GPC6: variants seen among roughly 807,000 people sequenced by gnomAD.
GPC6 encodes the protein glypican-6.
In GPC6, 14 loss-of-function variants were observed where a neutral mutation model predicts 55.2. The ratio of observed to expected loss-of-function variants is 0.25; its 90% CI spans 0.17 to 0.40. The LOEUF (loss-of-function observed/expected upper bound fraction) is 0.40. GPC6 is among the 10% of genes least tolerant of loss of function. The pLI is 1.00. For synonymous variants in GPC6, 278 were observed against 259.6 expected (o/e 1.07, Z -0.68); for missense variants, 641 against 708.5 (o/e 0.90, Z 1.08).
chr13:93,837,893 G>A (rs1254660369), intron 3 of GPC6, among the ~76,000 whole-genome samples: 1 of 152,164 alleles, frequency 6.6e-6, no homozygotes. Context: ...CAGAAGTGCA[G>A]AGGTGTGAAA....
chr13:93,500,510 G>T (rs1025218915), intron 1 of GPC6, among the ~76,000 whole-genome samples: 1 of 55,600 alleles, frequency 1.8e-5, no homozygotes, highest in African/African-American at 6.0e-5. Flanking sequence ...TATATGAAAG[G>T]CATCCAAACT....
At chr13:94,168,904 T>C (rs893688891) in intron 4 of GPC6, among the ~76,000 whole-genome samples, 3 of 152,084 alleles carry the variant, frequency 2.0e-5, no homozygotes, top group Non-Finnish European at 4.4e-5. Flanking sequence ...TGGAATGTTA[T>C]GTGTCTCCAT....
chr13:94,311,331 G>C (rs1038907782), intron 6 of GPC6, among the ~76,000 whole-genome samples: 1 of 151,956 alleles, frequency 6.6e-6, no homozygotes, highest in African/African-American at 2.4e-5. Flanking sequence ...ACCACACCCA[G>C]ATAATTTTTG....
chr13:94,089,219 C>A (rs1231085151), intron 4 of GPC6, among the ~76,000 whole-genome samples: 4 of 152,148 alleles, frequency 2.6e-5, no homozygotes, highest in Non-Finnish European at 2.9e-5. Context: ...AAATGATCAC[C>A]AAACCTCTTG....
At chr13:93,926,612 A>G (rs187114470) in intron 3 of GPC6, among the ~76,000 whole-genome samples, 24 of 152,344 alleles carry the variant, frequency 1.6e-4, no homozygotes, top group Admixed American at 3.9e-4. Flanking sequence ...ATCCTAGCTG[A>G]AAACAAAGTA....
At chr13:93,497,774 C>T (rs1248677182) in intron 1 of GPC6, among the ~76,000 whole-genome samples, 2 of 152,158 alleles carry the variant, frequency 1.3e-5, no homozygotes, top group African/African-American at 2.4e-5. Flanking sequence ...ATTAACTGAA[C>T]CATAGAACCA....
chr13:94,075,178 A>G (rs547305269), intron 4 of GPC6, among the ~76,000 whole-genome samples: 1 of 152,342 alleles, frequency 6.6e-6, no homozygotes, highest in South Asian at 2.1e-4. Flanking sequence ...TAATACAGTA[A>G]GCTTTAAAAC....
intron 2 of GPC6, among the ~76,000 whole-genome samples, chr13:93,731,451 C>T (rs1883816913): frequency 6.6e-6 from 1 of 152,158 alleles, no homozygotes; most frequent in East Asian, 1.9e-4. Context: ...ACATTCCAGA[C>T]TGCTGGAAAT....
At chr13:93,740,347 T>G (rs1309254727) in intron 2 of GPC6, among the ~76,000 whole-genome samples, 1 of 152,314 alleles carries the variant, frequency 6.6e-6, no homozygotes, top group African/African-American at 2.4e-5. Context: ...TGGAACTAAA[T>G]TATTTACTTT....
intron 3 of GPC6, among the ~76,000 whole-genome samples, chr13:93,976,639 C>T (rs539763526): frequency 1.3e-5 from 2 of 150,940 alleles, no homozygotes; most frequent in East Asian, 2.0e-4. Flanking sequence ...ATTTAAGAAG[C>T]GATCTCTCAA....
intron 3 of GPC6, among the ~76,000 whole-genome samples, chr13:93,891,359 G>GT (rs771859407): frequency 1.8e-3 from 272 of 152,174 alleles, no homozygotes; most frequent in Admixed American, 4.1e-3. Flanking sequence ...TTCATTCTGT[G>GT]TATCTCTATT....
At chr13:93,487,620 C>G (rs985135116) in intron 1 of GPC6, among the ~76,000 whole-genome samples, 15 of 152,232 alleles carry the variant, frequency 9.9e-5, no homozygotes, top group Middle Eastern at 6.8e-3. Flanking sequence ...CATGTATCTT[C>G]CCTGTCCATA....
At chr13:93,843,463 C>CA (rs1472117409) in intron 3 of GPC6, among the ~76,000 whole-genome samples, 3 of 152,104 alleles carry the variant, frequency 2.0e-5, no homozygotes, top group African/African-American at 4.8e-5. Context: ...ATGAGGCTGA[C>CA]AAAAAAATGT....
At chr13:93,667,648 G>C (rs974180823) in intron 2 of GPC6, among the ~76,000 whole-genome samples, 1 of 151,456 alleles carries the variant, frequency 6.6e-6, no homozygotes, top group East Asian at 1.9e-4. Flanking sequence ...AGCCAGGCTG[G>C]TCTTGAACTC....
rs1160937990 is a variant in GPC6 at position 93,832,104 on chromosome 13, A to G, written c.711+1559A>G. Among the ~76,000 whole-genome samples the G allele has an allele frequency of 6.0e-5, 4 of 66,520 alleles. No homozygotes were observed. The East Asian group carries it at 1.6e-3, about 26-fold the overall frequency. 43.6% of individuals were successfully genotyped at this position (66,520 alleles called of 152,430 possible). On this transcript the variant is annotated intron_variant, in intron 3 of 8. Transcript: ENST00000377047. ...GACTCCAACTCAAAAAAAAAAAAAA[A>G]AAAAAAAAAAAAAAAAAAATATATA...
At chr13:94,329,621 A>G (rs1018877025) in intron 6 of GPC6, among the ~76,000 whole-genome samples, 55 of 152,300 alleles carry the variant, frequency 3.6e-4, no homozygotes, top group African/African-American at 1.3e-3. Context: ...CAATTGTGTA[A>G]ATGTAATTGA....
At chr13:93,422,609 A>G (rs986526825) in intron 1 of GPC6, among the ~76,000 whole-genome samples, 9 of 152,284 alleles carry the variant, frequency 5.9e-5, no homozygotes, top group Non-Finnish European at 1.3e-4. Flanking sequence ...AACTTAATAT[A>G]AGAAGTTTTG....
chr13:93,649,694 A>G (rs1434053246), intron 2 of GPC6, among the ~76,000 whole-genome samples: 2 of 152,184 alleles, frequency 1.3e-5, no homozygotes, highest in Non-Finnish European at 2.9e-5. Context: ...GAACTCGAGA[A>G]TTATTTTAGG....
intron 2 of GPC6, among the ~76,000 whole-genome samples, chr13:93,657,019 A>G (rs952071893): frequency 2.6e-5 from 4 of 152,128 alleles, no homozygotes; most frequent in African/African-American, 9.6e-5. Context: ...TAAAATGTCT[A>G]TACTGCCCAA....
Sources: allele counts gnomAD v4.1 joint callset (sites outside exome capture counted in the v4.1 genomes callset), GRCh38; gene constraint gnomAD v4.1.1; transcripts MANE v1.5; gene names NCBI Gene and HGNC (gene_info 2026-07-23, HGNC 2026-07-21).